ARHGEF28: variants seen among roughly 807,000 people sequenced by gnomAD.
ARHGEF28 encodes 190 kDa guanine nucleotide exchange factor.
Under a neutral mutation model 206.6 loss-of-function variants are expected in ARHGEF28, and 152 were observed. That is an observed-to-expected ratio of 0.74 (90% confidence interval 0.64 to 0.84). The LOEUF (loss-of-function observed/expected upper bound fraction) is 0.84, where lower values mean the gene tolerates loss of function less well. ARHGEF28 is among the 40% of genes least tolerant of loss of function. The pLI is 0.00. For synonymous variants in ARHGEF28, 763 were observed against 776.4 expected (o/e 0.98, Z 0.29); for missense variants, 2,028 against 2,073.2 (o/e 0.98, Z 0.42).
In ARHGEF28 at chr5:73,923,191, C is replaced by G. The variant is rs759930320; in HGVS notation, c.4948+11616C>G. 326 of 1,528,558 alleles carry G rather than the reference C, an allele frequency of 2.1e-4. 1 individual carries two copies. In the Middle Eastern group the frequency reaches 3.0e-3, roughly 14 times the overall value. 94.7% of individuals were successfully genotyped at this position (1,528,558 alleles called of 1,614,324 possible). ...TAATACTGCAAGGGGGGTGCTTAGCCTTCTTTTAGGGTACTCCACTCAACT... is the reference window on the plus strand; with the variant it reads ...TAATACTGCAAGGGGGGTGCTTAGCGTTCTTTTAGGGTACTCCACTCAACT... On this transcript the variant is annotated intron_variant, in intron 35 of 35. Coordinates refer to ENST00000513042, the MANE Select transcript of ARHGEF28 (RefSeq NM_001177693.2).
intron 9 of ARHGEF28, among the ~76,000 whole-genome samples, chr5:73,829,350 G>A (rs1392829666): frequency 1.3e-5 from 2 of 152,116 alleles, no homozygotes; most frequent in African/African-American, 4.8e-5. Flanking sequence ...TAATTTCATT[G>A]TTTTGTTTGC....
intron 1 of ARHGEF28, among the ~76,000 whole-genome samples, chr5:73,633,455 C>T (rs1391583765): frequency 6.6e-6 from 1 of 152,028 alleles, no homozygotes; most frequent in South Asian, 2.1e-4. Context: ...AACTTTTAGC[C>T]TCAGTTTTTG....
At chr5:73,767,504 C>T (rs749300896) in intron 4 of ARHGEF28, among the ~76,000 whole-genome samples, 4 of 152,034 alleles carry the variant, frequency 2.6e-5, no homozygotes, top group Non-Finnish European at 5.9e-5. Flanking sequence ...GCGAAGGTTA[C>T]GTTTTAGCAA....
At chr5:73,823,461 T>C (rs1756713994) in intron 9 of ARHGEF28, among the ~76,000 whole-genome samples, 1 of 152,178 alleles carries the variant, frequency 6.6e-6, no homozygotes, top group South Asian at 2.1e-4. Context: ...GAGTTGAAAA[T>C]AAAAACTGCT....
chr5:73,839,450 C>T (rs1757850691), intron 10 of ARHGEF28, among the ~76,000 whole-genome samples: 1 of 152,140 alleles, frequency 6.6e-6, no homozygotes, highest in Non-Finnish European at 1.5e-5. Flanking sequence ...AATGGTGTTA[C>T]TGTCTTCATT....
intron 2 of ARHGEF28, among the ~76,000 whole-genome samples, chr5:73,688,531 A>G (rs1361510317): frequency 6.6e-6 from 1 of 152,200 alleles, no homozygotes; most frequent in African/African-American, 2.4e-5. Flanking sequence ...TGGATTGATA[A>G]AGAACATTTT....
At chr5:73,650,373 C>T (rs1381383563) in intron 1 of ARHGEF28, among the ~76,000 whole-genome samples, 2 of 146,782 alleles carry the variant, frequency 1.4e-5, no homozygotes, top group African/African-American at 5.1e-5. Context: ...CAACTTCCGC[C>T]TCTTGGGTTC....
chr5:73,717,659 C>T (rs1001356647), intron 2 of ARHGEF28, among the ~76,000 whole-genome samples: 19 of 152,092 alleles, frequency 1.2e-4, no homozygotes, highest in Admixed American at 1.3e-4. Context: ...GTGCCAACTG[C>T]ATGTCAGGTA....
intron 9 of ARHGEF28, among the ~76,000 whole-genome samples, chr5:73,817,198 C>T (rs1458975346): frequency 6.6e-6 from 1 of 152,178 alleles, no homozygotes; most frequent in Non-Finnish European, 1.5e-5. Context: ...TTCCCCAGCT[C>T]ATATCATATG....
chr5:73,889,448 T>C (rs1224542609), intron 26 of ARHGEF28, among the ~76,000 whole-genome samples: 2 of 152,226 alleles, frequency 1.3e-5, no homozygotes, highest in African/African-American at 4.8e-5. Context: ...AAAAAGTAGA[T>C]GTGTTCACTA....
chr5:73,931,071 C>G (rs539877460), intron 35 of ARHGEF28, among the ~76,000 whole-genome samples: 1 of 152,160 alleles, frequency 6.6e-6, no homozygotes, highest in African/African-American at 2.4e-5. Context: ...CTGAAATGTC[C>G]TTCTCATTTT....
At chr5:73,653,420 A>G (rs1451560246) in intron 1 of ARHGEF28, among the ~76,000 whole-genome samples, 1 of 152,196 alleles carries the variant, frequency 6.6e-6, no homozygotes, top group African/African-American at 2.4e-5. Flanking sequence ...GAAAAGCAGA[A>G]GTTTGATCTC....
Position 73,866,027 on chromosome 5 carries a change from A to T in ARHGEF28, c.2152+14A>T. On this transcript the variant is annotated intron_variant, in intron 18 of 35. Coordinates refer to ENST00000513042, the MANE Select transcript of ARHGEF28 (RefSeq NM_001177693.2). ...CCATCCTTGGAAGTAAGTGATGTAG[A>T]AAACGACAAGAACTTTTAAAAATTT... The T allele has an allele frequency of 6.3e-7, 1 of 1,587,300 alleles. No homozygotes were observed. Among genetic ancestry groups the T allele is most frequent in the South Asian group, 1.1e-5 (1 of 87,972 alleles).
At chr5:73,763,757 G>A (rs191496208) in intron 4 of ARHGEF28, among the ~76,000 whole-genome samples, 9 of 152,190 alleles carry the variant, frequency 5.9e-5, no homozygotes, top group East Asian at 3.9e-4. Flanking sequence ...AAGAAAAATC[G>A]ATAAAGGCTG....
intron 1 of ARHGEF28, among the ~76,000 whole-genome samples, chr5:73,666,190 A>G (rs1745943263): frequency 6.6e-6 from 1 of 152,218 alleles, no homozygotes. Flanking sequence ...AACAGGAAAA[A>G]TAACATTTAG....
chr5:73,706,449 G>GA (rs375357547), intron 2 of ARHGEF28, among the ~76,000 whole-genome samples: 23 of 147,236 alleles, frequency 1.6e-4, no homozygotes, highest in Admixed American at 2.0e-4. Flanking sequence ...ATATAACATT[G>GA]AAAAAAAAAA....
intron 9 of ARHGEF28, chr5:73,813,781 A>G (rs1188083235): frequency 1.6e-6 from 2 of 1,223,440 alleles, no homozygotes; most frequent in Non-Finnish European, 2.3e-6. Flanking sequence ...GCGTGTTTAT[A>G]CGTGCCTTTA....
chr5:73,888,576 A>G (rs1244283783), intron 26 of ARHGEF28, among the ~76,000 whole-genome samples: 1 of 152,208 alleles, frequency 6.6e-6, no homozygotes, highest in Non-Finnish European at 1.5e-5. Flanking sequence ...CTTCTTTAAA[A>G]CCAAAGACCT....
chr5:73,736,334 T>C (rs1366748268), intron 2 of ARHGEF28, among the ~76,000 whole-genome samples: 3 of 152,182 alleles, frequency 2.0e-5, no homozygotes, highest in Admixed American at 6.5e-5. Flanking sequence ...CAGGGCTTGC[T>C]GGGAGTTAAG....
Sources: gnomAD v4.1 joint callset for allele counts (sites outside exome capture counted in the v4.1 genomes callset) on GRCh38, gnomAD v4.1.1 for gene constraint, MANE v1.5 for transcripts, NCBI Gene and HGNC (gene_info 2026-07-23, HGNC 2026-07-21) for gene names.